The following DISC1 variants were observed in gnomAD, a reference collection of about 807,000 sequenced individuals.
DISC1 encodes the protein disrupted in schizophrenia 1 protein.
In DISC1, 57 loss-of-function variants were observed where a neutral mutation model predicts 84.5. The observed-to-expected ratio is 0.67, with a 90% CI of 0.55 to 0.84. The LOEUF is 0.84. Among genes scored for constraint, DISC1 ranks in the 40% least tolerant of loss-of-function variants. The probability of loss-of-function intolerance (pLI) is 0.00; values close to 1 mark genes in which losing one functional copy is unlikely to be tolerated. For missense variants in DISC1, 1,000 were observed against 1,057.8 expected (o/e 0.95, Z 0.76); for synonymous variants, 411 against 415.2 (o/e 0.99, Z 0.12).
intron 4 of DISC1, among the ~76,000 whole-genome samples, chr1:231,753,634 A>G (rs1407719838): frequency 6.6e-6 from 1 of 152,086 alleles, no homozygotes; most frequent in African/African-American, 2.4e-5. Flanking sequence ...GCTCCTTTTT[A>G]CTTATGCAAA....
At chr1:231,835,788 C>T (rs536238468) in intron 9 of DISC1, among the ~76,000 whole-genome samples, 9 of 152,260 alleles carry the variant, frequency 5.9e-5, no homozygotes, top group Admixed American at 1.3e-4. Context: ...AACCCCTCAT[C>T]ATGATTAATA....
At chr1:231,767,330 T>A (rs2076241181) in intron 5 of DISC1, 61 bp downstream of exon 5, 1 of 1,598,770 alleles carries the variant, frequency 6.3e-7, no homozygotes, top group African/African-American at 1.3e-5. Flanking sequence ...TGAGACAGGG[T>A]CTTGCTCTGT....
At chr1:231,752,243 G>A (rs953589269) in intron 4 of DISC1, among the ~76,000 whole-genome samples, 1 of 152,188 alleles carries the variant, frequency 6.6e-6, no homozygotes, top group African/African-American at 2.4e-5. Flanking sequence ...AATGAAAGAA[G>A]TTAATTGTCT....
chr1:231,886,824 TTTCTTTCTTTCC>T (rs71179798), intron 9 of DISC1, among the ~76,000 whole-genome samples: 7 of 129,286 alleles, frequency 5.4e-5, no homozygotes, highest in South Asian at 2.6e-4. Flanking sequence ...TCTTTCTTTC[TTTCTTTCTTTCC>T]TTCTTTCTTT....
chr1:231,924,011 CT>C (rs1175171361), intron 9 of DISC1, among the ~76,000 whole-genome samples: 1 of 152,232 alleles, frequency 6.6e-6, no homozygotes, highest in Non-Finnish European at 1.5e-5. Context: ...TGTTCCTTTA[CT>C]TGTTCTCTTC....
intron 1 of DISC1, among the ~76,000 whole-genome samples, chr1:231,682,515 A>G (rs1432340415): frequency 1.3e-5 from 2 of 152,168 alleles, no homozygotes; most frequent in African/African-American, 2.4e-5. Flanking sequence ...CTAGGGGTGG[A>G]GTCCCATTTC....
In DISC1 at chr1:231,928,269, C is replaced by T. The variant is rs78937972; in HGVS notation, c.1982-30559C>T. 3.9e-3 allele frequency among the ~76,000 whole-genome samples: 587 copies of T among 152,312 alleles called. 2 individuals carry two copies. The highest frequency in any genetic ancestry group is 0.013 in the African/African-American group (537 of 41,570). The stretch of plus-strand genomic sequence containing the variant: ...ACATGATATTTAAACAAATGTTCTA[C>T]ACAGTGTTTCTCAATATAATGTTCT... On this transcript the variant is annotated intron_variant, in intron 9 of 12. Transcript: ENST00000439617.
chr1:231,976,675 C>T (rs765767640), intron 10 of DISC1, among the ~76,000 whole-genome samples: 37 of 152,218 alleles, frequency 2.4e-4, no homozygotes, highest in East Asian at 1.7e-3. Flanking sequence ...ATACCTTTGA[C>T]GCTAAAGTTG....
At chr1:231,632,836 C>G (rs2058842123) in intron 1 of DISC1, among the ~76,000 whole-genome samples, 1 of 152,098 alleles carries the variant, frequency 6.6e-6, no homozygotes, top group Non-Finnish European at 1.5e-5. Flanking sequence ...TTTGGGAGGC[C>G]AAGGTGGGCA....
chr1:231,993,753 T>C (rs556709084), intron 10 of DISC1, among the ~76,000 whole-genome samples: 2 of 151,936 alleles, frequency 1.3e-5, no homozygotes, highest in South Asian at 4.2e-4. Context: ...AAGGAAACCA[T>C]GAAAAAAAAT....
chr1:231,689,401 G>A (rs2064714326), intron 1 of DISC1, among the ~76,000 whole-genome samples: 1 of 151,622 alleles, frequency 6.6e-6, no homozygotes, highest in African/African-American at 2.4e-5. Flanking sequence ...GTGTGGTCTC[G>A]GCTCACTGCA....
At chr1:231,635,073 C>T (rs1450367971) in intron 1 of DISC1, among the ~76,000 whole-genome samples, 2 of 152,082 alleles carry the variant, frequency 1.3e-5, no homozygotes, top group Admixed American at 6.5e-5. Context: ...TGTTCCAGCC[C>T]TTCCTGTGTC....
chr1:231,779,221 C>G (rs2077189745), intron 6 of DISC1, among the ~76,000 whole-genome samples: 5 of 152,178 alleles, frequency 3.3e-5, no homozygotes. Flanking sequence ...CAGATGCTGA[C>G]TGACTGACTC....
chr1:231,690,371 G>C (rs1490968619), intron 1 of DISC1, among the ~76,000 whole-genome samples: 1 of 152,190 alleles, frequency 6.6e-6, no homozygotes, highest in Non-Finnish European at 1.5e-5. Flanking sequence ...TAGATGGGTG[G>C]AACGAGGCAT....
intron 9 of DISC1, among the ~76,000 whole-genome samples, chr1:231,850,797 A>T (rs531223483): frequency 6.6e-6 from 1 of 152,174 alleles, no homozygotes; most frequent in Non-Finnish European, 1.5e-5. Context: ...TTCATTTTTT[A>T]TTTTTAATTG....
chr1:231,953,264 ACT>A (rs1658813454), intron 9 of DISC1, among the ~76,000 whole-genome samples: 1 of 151,786 alleles, frequency 6.6e-6, no homozygotes, highest in Admixed American at 6.6e-5. Context: ...AGCAGACAAA[ACT>A]CTCTAGGTTT....
At chr1:232,035,221 A>G (rs1184340431) in intron 12 of DISC1, among the ~76,000 whole-genome samples, 3 of 152,202 alleles carry the variant, frequency 2.0e-5, no homozygotes, top group African/African-American at 7.2e-5. Flanking sequence ...AGGCCAAGGC[A>G]GGCAGACTGC....
intron 1 of DISC1, among the ~76,000 whole-genome samples, chr1:231,691,576 T>C (rs2065021149): frequency 6.6e-6 from 1 of 152,266 alleles, no homozygotes; most frequent in Non-Finnish European, 1.5e-5. Flanking sequence ...TCTGGATGAC[T>C]GGTATTTACA....
At chr1:232,003,345 A>G (rs888202226) in intron 10 of DISC1, among the ~76,000 whole-genome samples, 1 of 152,184 alleles carries the variant, frequency 6.6e-6, no homozygotes, top group African/African-American at 2.4e-5. Flanking sequence ...GTATCAGACA[A>G]TTTAGGCTTT....
Sources: allele counts gnomAD v4.1 joint callset (sites outside exome capture counted in the v4.1 genomes callset), GRCh38; gene constraint gnomAD v4.1.1; transcripts MANE v1.5; gene names NCBI Gene and HGNC (gene_info 2026-07-23, HGNC 2026-07-21).